Variants in CACNB4 observed in about 807,000 individuals in gnomAD.
The protein encoded by CACNB4 is calcium voltage-gated channel auxiliary subunit beta 4, also known as voltage-dependent L-type calcium channel subunit beta-4.
CACNB4 carries 32 observed loss-of-function variants against 71.2 expected under a neutral mutation model. That is an observed-to-expected ratio of 0.45 (90% CI 0.34 to 0.60). The LOEUF (loss-of-function observed/expected upper bound fraction) is 0.60. CACNB4 is among the 20% of genes least tolerant of loss of function. The pLI is 0.01. For synonymous variants in CACNB4, 231 were observed against 236.9 expected (o/e 0.97, Z 0.23); for missense variants, 464 against 647.9 (o/e 0.72, Z 3.08).
At chr2:151,918,557 C>A (rs1029769742) in intron 2 of CACNB4, among the ~76,000 whole-genome samples, 5 of 152,206 alleles carry the variant, frequency 3.3e-5, no homozygotes, top group African/African-American at 1.2e-4. Context: ...GATCAGAGAG[C>A]CTCCACTGTT....
chr2:152,059,710 G>A (rs749784838), intron 2 of CACNB4, among the ~76,000 whole-genome samples: 2 of 152,204 alleles, frequency 1.3e-5, no homozygotes, highest in Non-Finnish European at 2.9e-5. Context: ...AGGCTTTGGG[G>A]GACTGTTGGA....
intron 2 of CACNB4, among the ~76,000 whole-genome samples, chr2:151,939,226 T>C (rs1264306432): frequency 1.3e-5 from 2 of 152,338 alleles, no homozygotes; most frequent in East Asian, 3.9e-4. Context: ...ATGATTGTGT[T>C]TTTATACACC....
intron 2 of CACNB4, among the ~76,000 whole-genome samples, chr2:152,076,250 C>A (rs939072101): frequency 7.1e-6 from 1 of 140,216 alleles, no homozygotes; most frequent in Admixed American, 7.8e-5. Flanking sequence ...ACAAGCAATT[C>A]TCTGCCTCAG....
intron 2 of CACNB4, among the ~76,000 whole-genome samples, chr2:151,948,067 G>C (rs2099866030): frequency 1.3e-5 from 2 of 152,178 alleles, no homozygotes; most frequent in Non-Finnish European, 2.9e-5. Context: ...GGGTATGGAT[G>C]ATAGTGTCAT....
At chr2:151,923,479 C>T (rs1450946625) in intron 2 of CACNB4, among the ~76,000 whole-genome samples, 4 of 152,180 alleles carry the variant, frequency 2.6e-5, no homozygotes, top group Non-Finnish European at 4.4e-5. Flanking sequence ...CCCATGACCC[C>T]GTGTAGCCCC....
At chr2:152,089,045 A>G (rs953932448) in intron 2 of CACNB4, among the ~76,000 whole-genome samples, 1 of 152,222 alleles carries the variant, frequency 6.6e-6, no homozygotes, top group African/African-American at 2.4e-5. Context: ...TTCGGCTTCT[A>G]CTTACAGTCC....
chr2:151,961,700 G>A (rs892592095), intron 2 of CACNB4, among the ~76,000 whole-genome samples: 1 of 152,006 alleles, frequency 6.6e-6, no homozygotes, highest in Non-Finnish European at 1.5e-5. Flanking sequence ...AGATCAGCCT[G>A]GGCAACACAG....
At chr2:152,069,208 ACTGG>A (rs1686524661) in intron 2 of CACNB4, among the ~76,000 whole-genome samples, 1 of 152,152 alleles carries the variant, frequency 6.6e-6, no homozygotes, top group Non-Finnish European at 1.5e-5. Flanking sequence ...TGCTCCCAGC[ACTGG>A]CCAACTTGTT....
intron 11 of CACNB4, chr2:151,853,800 C>T (rs2099839618): frequency 3.1e-6 from 1 of 322,624 alleles, no homozygotes; most frequent in Non-Finnish European, 5.6e-6. Context: ...TAGATTTTTC[C>T]CAGAGATTTC....
In CACNB4 at chr2:152,080,283, G is replaced by A. The variant is rs537398825; in HGVS notation, c.147+18047C>T. On this transcript the variant is annotated intron_variant, in intron 2 of 13. Transcript: ENST00000539935. ...ATTACAGGCGCACACCACCACACCC[G>A]GCTAATTTTTTGCATTTTTAGTAGA... Among the ~76,000 whole-genome samples, 27 of 151,954 alleles carry A rather than the reference G, an allele frequency of 1.8e-4. 1 individual carries two copies. Among genetic ancestry groups the A allele is most frequent in the Admixed American group, 9.8e-4 (15 of 15,260 alleles).
chr2:151,985,024 A>C (rs985878459), intron 2 of CACNB4, among the ~76,000 whole-genome samples: 1 of 152,184 alleles, frequency 6.6e-6, no homozygotes, highest in Non-Finnish European at 1.5e-5. Flanking sequence ...CAATTCTTCC[A>C]CAAAATACTT....
In CACNB4 at chr2:151,897,156, G is replaced by A. The variant is rs547153600; in HGVS notation, c.148-13786C>T. On this transcript the variant is annotated intron_variant, in intron 2 of 13. Coordinates refer to ENST00000539935, the MANE Select transcript of CACNB4 (RefSeq NM_000726.5). ...CTTGATTTCTCTCCAAAGCTCTTTC[G>A]AGGTCCTATGAGAGAAGTCAGGCCA... Among the ~76,000 whole-genome samples, 7 of 152,286 alleles carry A rather than the reference G, an allele frequency of 4.6e-5. 1 individual carries two copies. The South Asian group carries it at 1.0e-3, about 23-fold the overall frequency.
At chr2:152,076,723 C>T (rs574111117) in intron 2 of CACNB4, among the ~76,000 whole-genome samples, 1 of 2,064 alleles carries the variant, frequency 4.8e-4, no homozygotes, top group Admixed American at 0.015. Context: ...TACCCAGATA[C>T]TGATCTCAAA....
chr2:152,058,843 A>T (rs1685857899), intron 2 of CACNB4, among the ~76,000 whole-genome samples: 1 of 152,198 alleles, frequency 6.6e-6, no homozygotes, highest in Admixed American at 6.5e-5. Flanking sequence ...GAGGCCTAGG[A>T]GGGAAAAATG....
intron 2 of CACNB4, among the ~76,000 whole-genome samples, chr2:151,886,777 G>GCTGGCTTGGTA (rs534863313): frequency 1.6e-3 from 244 of 152,248 alleles, no homozygotes; most frequent in African/African-American, 5.7e-3. Context: ...GACATGCTCT[G>GCTGGCTTGGTA]CTGGCTTGGT....
At chr2:151,962,294 G>T (rs145544885) in intron 2 of CACNB4, among the ~76,000 whole-genome samples, 117 of 152,224 alleles carry the variant, frequency 7.7e-4, no homozygotes, top group East Asian at 9.6e-4. Context: ...TAGCCATGGG[G>T]GTACAGCACT....
At chr2:151,885,849 A>G (rs1317698203) in intron 2 of CACNB4, among the ~76,000 whole-genome samples, 3 of 152,232 alleles carry the variant, frequency 2.0e-5, no homozygotes, top group Non-Finnish European at 4.4e-5. Flanking sequence ...TTCATTGCCT[A>G]AAAAGAGAGC....
chr2:151,911,857 G>T (rs974443769), intron 2 of CACNB4, among the ~76,000 whole-genome samples: 4 of 151,822 alleles, frequency 2.6e-5, no homozygotes, highest in Non-Finnish European at 4.4e-5. Context: ...CTTATTATTG[G>T]TCTATTCAGG....
chr2:151,952,626 A>G (rs2099867193), intron 2 of CACNB4, among the ~76,000 whole-genome samples: 1 of 152,216 alleles, frequency 6.6e-6, no homozygotes, highest in Non-Finnish European at 1.5e-5. Flanking sequence ...GGCTCCAAAT[A>G]ATGGGACCCG....
Sources: gnomAD v4.1 joint callset for allele counts (sites outside exome capture counted in the v4.1 genomes callset) on GRCh38, gnomAD v4.1.1 for gene constraint, MANE v1.5 for transcripts, NCBI Gene and HGNC (gene_info 2026-07-23, HGNC 2026-07-21) for gene names.